Variants in SNX29 observed in about 807,000 individuals in gnomAD.
The protein encoded by SNX29 is sorting nexin-29.
SNX29 carries 78 observed loss-of-function variants against 102.1 expected under a neutral mutation model. The ratio of observed to expected loss-of-function variants is 0.76; its 90% CI spans 0.64 to 0.92. The LOEUF (loss-of-function observed/expected upper bound fraction) is 0.92, where lower values mean the gene tolerates loss of function less well. Among genes scored for constraint, SNX29 ranks in the 40% least tolerant of loss-of-function variants. SNX29 has a pLI of 0.00. For synonymous variants in SNX29, 580 were observed against 414.5 expected (o/e 1.40, Z -4.85); for missense variants, 1,280 against 1,061.7 (o/e 1.21, Z -2.86).
At position 12,122,639 on chromosome 16, in the gene SNX29, G is replaced by T. The variant is rs77009724; in HGVS notation, c.1403-3994G>T. ...AACCAAGGGGGAGCAAAGGAGATGG[G>T]CAGAGGCTGGAGCGGCAGAGAGGAC... On this transcript the variant is annotated intron_variant, in intron 11 of 20. Coordinates refer to ENST00000566228, the MANE Select transcript of SNX29 (RefSeq NM_032167.5). Among the ~76,000 whole-genome samples, 258 of 152,228 alleles carry T rather than the reference G, an allele frequency of 1.7e-3. 9 individuals are homozygous for T. The East Asian group carries it at 0.046, about 27-fold the overall frequency.
rs562524126 is a variant in SNX29 at position 12,050,586 on chromosome 16, C to T, written c.749-1261C>T. 2.0e-5 allele frequency among the ~76,000 whole-genome samples: 3 copies of T among 152,248 alleles called. No homozygotes were observed. The East Asian group carries it at 5.8e-4, about 29-fold the overall frequency. On this transcript the variant is annotated intron_variant, in intron 7 of 20. Coordinates refer to ENST00000566228, the MANE Select transcript of SNX29 (RefSeq NM_032167.5). ...GGGGCAGCTCGGGTTCTACTCATAG[C>T]CTCTCATCCTCCAGTCGGCTGAACT... is the stretch of plus-strand genomic sequence containing the variant.
At chr16:12,560,156 A>C in intron 20 of SNX29, among the ~76,000 whole-genome samples, 1 of 3,666 alleles carries the variant, frequency 2.7e-4, no homozygotes, top group Non-Finnish European at 4.6e-3. Flanking sequence ...ACAAACAGTA[A>C]AGCCTTTCTC....
intron 13 of SNX29, among the ~76,000 whole-genome samples, chr16:12,164,273 A>G (rs1169705065): frequency 1.3e-5 from 2 of 152,192 alleles, no homozygotes; most frequent in African/African-American, 4.8e-5. Context: ...GAGGTACGAA[A>G]TAAGGCATTT....
intron 20 of SNX29, among the ~76,000 whole-genome samples, chr16:12,555,838 AC>A (rs760887517): frequency 5.3e-4 from 81 of 151,514 alleles, no homozygotes; most frequent in African/African-American, 2.0e-3. Flanking sequence ...TGACTGACCA[AC>A]CCCCCTCACC....
chr16:12,040,601 A>T (rs981646761), intron 4 of SNX29, among the ~76,000 whole-genome samples: 4 of 152,194 alleles, frequency 2.6e-5, no homozygotes, highest in African/African-American at 9.6e-5. Flanking sequence ...GAGGACAATT[A>T]TTTATGTATA....
rs78425054 is a variant in SNX29 at position 12,249,459 on chromosome 16, G to C, written c.1679-28474G>C. Among the ~76,000 whole-genome samples the C allele has an allele frequency of 3.4e-3, 518 of 152,306 alleles. 3 individuals carry two copies. Among genetic ancestry groups the C allele is most frequent in the African/African-American group, 0.012 (506 of 41,566 alleles). On this transcript the variant is annotated intron_variant, in intron 14 of 20. Transcript: ENST00000566228. ...TCCACTGACCAGAGTAAGTCACATG[G>C]CCAGGCCCAGAGTCAGTCCAGGACG...
At chr16:12,425,662 C>G (rs1157980577) in intron 18 of SNX29, among the ~76,000 whole-genome samples, 1 of 152,094 alleles carries the variant, frequency 6.6e-6, no homozygotes, top group South Asian at 2.1e-4. Flanking sequence ...TGGTTTAAAT[C>G]CCAGGGCAGC....
intron 16 of SNX29, chr16:12,372,412 G>C (rs889790506): frequency 6.6e-6 from 1 of 152,086 alleles, no homozygotes; most frequent in Non-Finnish European, 1.5e-5. Flanking sequence ...CGCTCACTTT[G>C]TCTAATCTTA....
chr16:12,560,917 A>G (rs1012559676), intron 20 of SNX29: 5 of 199,892 alleles, frequency 2.5e-5, no homozygotes, highest in African/African-American at 6.9e-5. Context: ...CTTTTAAAAT[A>G]AAGTACCTCG....
intron 8 of SNX29, chr16:12,060,979 C>T (rs1217748693): frequency 1.7e-5 from 7 of 413,582 alleles, no homozygotes; most frequent in South Asian, 7.1e-5. Context: ...GGCGGAGCAA[C>T]GCTAGCCCTA....
chr16:12,438,435 C>A (rs189331121), intron 18 of SNX29, among the ~76,000 whole-genome samples: 1 of 152,070 alleles, frequency 6.6e-6, no homozygotes, highest in Admixed American at 6.5e-5. Flanking sequence ...TTTACCCGCT[C>A]ACTCCAGCCC....
chr16:12,056,093 G>A (rs906745715), intron 8 of SNX29, among the ~76,000 whole-genome samples: 3 of 152,126 alleles, frequency 2.0e-5, no homozygotes, highest in Non-Finnish European at 4.4e-5. Flanking sequence ...TGTTGGCCAG[G>A]CCTGTATTGA....
chr16:12,560,142 C>A (rs1326172799), intron 20 of SNX29, among the ~76,000 whole-genome samples: 3 of 47,644 alleles, frequency 6.3e-5, no homozygotes, highest in Non-Finnish European at 7.5e-5. Context: ...CCCTCCCCCC[C>A]CCAACAAACA....
At chr16:12,319,549 G>A (rs2080859611) in intron 15 of SNX29, among the ~76,000 whole-genome samples, 1 of 152,190 alleles carries the variant, frequency 6.6e-6, no homozygotes. Context: ...AGTGTTTCCA[G>A]CTGCCATTTG....
chr16:12,314,527 A>G (rs1192986322), intron 15 of SNX29, among the ~76,000 whole-genome samples: 2 of 152,196 alleles, frequency 1.3e-5, no homozygotes, highest in Admixed American at 6.5e-5. Flanking sequence ...AGGTCTTAAT[A>G]GTGGTTTGTT....
intron 15 of SNX29, among the ~76,000 whole-genome samples, chr16:12,296,942 A>G (rs890664820): frequency 6.6e-6 from 1 of 152,204 alleles, no homozygotes; most frequent in Non-Finnish European, 1.5e-5. Flanking sequence ...TGTGTGTAGT[A>G]GGATGTTTCA....
In SNX29 at chr16:12,025,302, C is replaced by CAAAAAAAAAAAAAAAAAAAAAAA. The variant is rs35724715; in HGVS notation, c.123-1996_123-1995insAAAAAAAAAAAAAAAAAAAAAAA. ...GGGCAACAAGAGCAAAACTCCATCT[C>CAAAAAAAAAAAAAAAAAAAAAAA]AAAAAAAAAAAAAAAAAAAAAAGTG... On this transcript the variant is annotated intron_variant, in intron 3 of 20. Transcript: ENST00000566228. Among the ~76,000 whole-genome samples, 2 of 60,596 alleles carry CAAAAAAAAAAAAAAAAAAAAAAA rather than the reference C, an allele frequency of 3.3e-5. 1 individual carries two copies. Among genetic ancestry groups the CAAAAAAAAAAAAAAAAAAAAAAA allele is most frequent in the Non-Finnish European group, 5.7e-5 (2 of 35,364 alleles). 39.8% of individuals were successfully genotyped at this position (60,596 alleles called of 152,430 possible).
In SNX29 at chr16:12,574,039, T is replaced by TA. The variant is rs1044926441; in HGVS notation, c.*5411dup. The TA allele has an allele frequency of 7.1e-4, 139 of 195,044 alleles. 1 individual carries two copies. The highest frequency in any genetic ancestry group is 3.1e-3 in the African/African-American group (133 of 43,344). The allele number at this position is 195,044 out of a possible 1,614,324, so 12.1% of individuals were successfully genotyped here. A position where few individuals can be genotyped will look rare whatever the true frequency, so the allele number is the denominator to read the frequency against. ...AGCAGGCCACATATCTAGAGTCTGATAGTCTGTGTGTACATAAGGTCTAGA... is the reference window on the plus strand; with the variant it reads ...AGCAGGCCACATATCTAGAGTCTGATAAGTCTGTGTGTACATAAGGTCTAGA... On this transcript the variant is annotated 3_prime_UTR_variant, in exon 21 of 21. Transcript: ENST00000566228.
At chr16:12,348,266 T>C (rs1304945844) in intron 15 of SNX29, among the ~76,000 whole-genome samples, 2 of 152,180 alleles carry the variant, frequency 1.3e-5, no homozygotes, top group East Asian at 1.9e-4. Context: ...GGATTTTCGT[T>C]TGAAGCTGTT....
Sources: allele counts gnomAD v4.1 joint callset (sites outside exome capture counted in the v4.1 genomes callset), GRCh38; gene constraint gnomAD v4.1.1; transcripts MANE v1.5; gene names NCBI Gene and HGNC (gene_info 2026-07-23, HGNC 2026-07-21).